Variants in CFAP47 observed in about 807,000 individuals in gnomAD.
The protein encoded by CFAP47 is cilia- and flagella-associated protein 47.
CFAP47 carries 29 observed loss-of-function variants against 148.1 expected under a neutral mutation model. The observed-to-expected ratio is 0.20, with a 90% CI of 0.15 to 0.27. The LOEUF (loss-of-function observed/expected upper bound fraction) is 0.27. CFAP47 is among the 10% of genes least tolerant of loss of function. The pLI, the probability that CFAP47 is intolerant of heterozygous loss-of-function variation, is 1.00. For missense variants in CFAP47, 1,872 were observed against 1,697.5 expected, an observed-to-expected ratio of 1.10 and a Z score of -1.81; for synonymous variants, 664 against 577.3, an observed-to-expected ratio of 1.15 and a Z score of -2.15.
At chrX:36,041,324 A>G (rs1324658574) in intron 25 of CFAP47, among the ~76,000 whole-genome samples, 1 of 111,511 alleles carries the variant, frequency 9.0e-6, no homozygotes, top group Non-Finnish European at 1.9e-5. Context: ...AAAAAATGAG[A>G]TAATCAAAAT....
intron 60 of CFAP47, among the ~76,000 whole-genome samples, chrX:36,357,807 G>A (rs1337355719): frequency 2.7e-5 from 3 of 110,970 alleles, no homozygotes; most frequent in East Asian, 2.9e-4. Context: ...TGACTTTCTC[G>A]GGGCTTTCTA....
At chrX:36,178,297 G>T (rs936914213) in intron 39 of CFAP47, among the ~76,000 whole-genome samples, 1 of 110,490 alleles carries the variant, frequency 9.1e-6, no homozygotes, top group Non-Finnish European at 1.9e-5. Flanking sequence ...ATATACCTGT[G>T]TACCAACCCT....
chrX:36,211,119 C>T (rs781956848), intron 45 of CFAP47: 12 of 239,038 alleles, frequency 5.0e-5, no homozygotes, highest in Admixed American at 3.7e-4. Context: ...TAAACATGGG[C>T]AAAAGAGACC....
chrX:35,957,396 G>A (rs1234064141), intron 8 of CFAP47, among the ~76,000 whole-genome samples: 1 of 110,867 alleles, frequency 9.0e-6, no homozygotes, highest in Admixed American at 9.6e-5. Flanking sequence ...CTGCAGTGAT[G>A]CAGTTCATAA....
At chrX:36,175,268 A>T (rs1939655682) in intron 39 of CFAP47, among the ~76,000 whole-genome samples, 1 of 111,766 alleles carries the variant, frequency 8.9e-6, no homozygotes, top group African/African-American at 3.3e-5. Flanking sequence ...AGCTCAGAGC[A>T]ATTTGATCGT....
intron 3 of CFAP47, among the ~76,000 whole-genome samples, chrX:35,945,871 C>CTTTTTTTTTT (rs34966421): frequency 1.1e-5 from 1 of 87,712 alleles, no homozygotes; most frequent in Non-Finnish European, 2.2e-5. Flanking sequence ...TTCTCCTTCT[C>CTTTTTTTTTT]TTTTTTTTTT....
At chrX:36,269,728 C>T (rs10126395) in intron 49 of CFAP47, among the ~76,000 whole-genome samples, 4,901 of 111,640 alleles carry the variant, frequency 0.044, 304 homozygotes, top group African/African-American at 0.15. Flanking sequence ...CGCATGTATA[C>T]GCCTATGAAG....
At chrX:36,004,317 G>C (rs1936955648) in intron 21 of CFAP47, among the ~76,000 whole-genome samples, 1 of 110,841 alleles carries the variant, frequency 9.0e-6, no homozygotes, top group African/African-American at 3.3e-5. Flanking sequence ...ACCAAGCCAA[G>C]AGCCAAATCA....
chrX:36,325,627 G>A (rs1941511907), intron 57 of CFAP47, among the ~76,000 whole-genome samples: 1 of 110,786 alleles, frequency 9.0e-6, no homozygotes, highest in Non-Finnish European at 1.9e-5. Flanking sequence ...AGGGGGAGAA[G>A]GTGGGGACAA....
chrX:36,235,819 G>T, intron 46 of CFAP47, 115 bp from the exon 47 acceptor site: 1 of 351,178 alleles, frequency 2.8e-6, no homozygotes. Flanking sequence ...TGATTCCTTG[G>T]AAATACAATT....
At position 35,951,036 on chromosome X, in the gene CFAP47, A is replaced by G. The variant is rs185381357; in HGVS notation, c.657-95A>G. The G allele has an allele frequency of 2.9e-4, 168 of 577,278 alleles. No individual in the cohort carries two copies. In the African/African-American group the frequency reaches 3.7e-3, roughly 13 times the overall value. The allele number at this position is 577,278 out of a possible 1,213,427, so 47.6% of individuals were successfully genotyped here. ...AATTTTAATGATAATGTGATTCTAT[A>G]AAGTTTCTGTTTGTCGAAATGTGTG... On this transcript the variant is annotated intron_variant, in intron 4 of 63. Coordinates refer to ENST00000378653, the MANE Select transcript of CFAP47 (RefSeq NM_001304548.2).
chrX:35,975,278 A>C lies in CFAP47; in HGVS notation c.2386A>C (p.Asn796His), dbSNP rs750524794. 3.3e-6 allele frequency: 4 copies of C among 1,207,308 alleles called. No homozygotes were observed. The highest frequency in any genetic ancestry group is 3.5e-5 in the South Asian group (2 of 56,833). ...TGATTTAGAAGAACTTCAGAAGACC[A>C]ACCAATTTTCATACGTGATTCTACC... is the stretch of plus-strand genomic sequence containing the variant. ...DTDLEELQKT[N>H]QFSYVILPTS... Residue 796 changes from asparagine to histidine, a missense_variant, in exon 14 of 64, where the codon AAC (asparagine) becomes CAC (histidine). By Grantham distance (68) the Asn-to-His change is moderately conservative. Transcript: ENST00000378653.
At position 36,179,405 on chromosome X, in the gene CFAP47, G is replaced by A. The variant is rs1939724009; in HGVS notation, c.6087G>A (p.Arg2029=). 1 of 296,603 alleles carries A rather than the reference G, an allele frequency of 3.4e-6. No homozygotes were observed. The highest frequency in any genetic ancestry group is 5.9e-6 in the Non-Finnish European group (1 of 169,632). The allele number at this position is 296,603 out of a possible 1,213,427, so 24.4% of individuals were successfully genotyped here. A position where few individuals can be genotyped will look rare whatever the true frequency, so the allele number is the denominator to read the frequency against. The part of the protein sequence containing the change: ...VSSPTKLTES[R]QYPKHDDDMS... ...CGCCAACGAAGTTAACTGAATCCAG[G>A]CAATACCCGAAACATGAGTAAGTGT... The change falls in exon 40 of 64, where the codon AGG becomes AGA. Residue 2029 remains arginine, a synonymous_variant. Coordinates refer to ENST00000378653, the MANE Select transcript of CFAP47 (RefSeq NM_001304548.2).
At chrX:36,016,479 A>G (rs1250265797) in intron 22 of CFAP47, among the ~76,000 whole-genome samples, 2 of 110,984 alleles carry the variant, frequency 1.8e-5, no homozygotes, top group African/African-American at 6.5e-5. Flanking sequence ...GTTGCTAATG[A>G]CAGGATCTCA....
At chrX:36,056,351 A>T (rs567304825) in intron 26 of CFAP47, among the ~76,000 whole-genome samples, 1 of 112,133 alleles carries the variant, frequency 8.9e-6, no homozygotes, top group African/African-American at 3.2e-5. Context: ...AGGGCATTTC[A>T]TATTTATACT....
chrX:36,050,523 G>C (rs1260158879), intron 26 of CFAP47, among the ~76,000 whole-genome samples: 1 of 111,594 alleles, frequency 9.0e-6, no homozygotes, highest in Non-Finnish European at 1.9e-5. Flanking sequence ...CTAGAGATCT[G>C]TGAAACTTTA....
chrX:35,925,996 ACT>A lies in CFAP47; in HGVS notation c.250-16_250-15del. The A allele has an allele frequency of 8.5e-7, 1 of 1,171,045 alleles. No individual in the cohort carries two copies. Among genetic ancestry groups the A allele is most frequent in the Non-Finnish European group, 1.1e-6 (1 of 870,144 alleles). ...ATAAGGAGTTAAAATGTATAATTTGACTCTCTTTCTCCCACTGAAGTTCAAAC... is the reference window on the plus strand; with the variant it reads ...ATAAGGAGTTAAAATGTATAATTTGACTCTTTCTCCCACTGAAGTTCAAAC... On this transcript the variant is annotated intron_variant, in intron 1 of 63. Coordinates refer to ENST00000378653, the MANE Select transcript of CFAP47 (RefSeq NM_001304548.2).
intron 46 of CFAP47, among the ~76,000 whole-genome samples, chrX:36,231,123 A>T (rs1279070866): frequency 9.9e-5 from 11 of 110,567 alleles, no homozygotes; most frequent in African/African-American, 3.7e-4. Flanking sequence ...TTAACTTTAA[A>T]GTAGTTTTTT....
At chrX:36,008,685 G>A (rs187064462) in intron 21 of CFAP47, among the ~76,000 whole-genome samples, 5 of 110,207 alleles carry the variant, frequency 4.5e-5, no homozygotes, top group Non-Finnish European at 7.6e-5. Flanking sequence ...CAGGAGAATC[G>A]CTTGAACCCA....
Sources: allele counts gnomAD v4.1 joint callset (sites outside exome capture counted in the v4.1 genomes callset), GRCh38; gene constraint gnomAD v4.1.1; transcripts MANE v1.5; gene names NCBI Gene and HGNC (gene_info 2026-07-23, HGNC 2026-07-21).